Variants in EEFSEC observed in about 807,000 individuals in gnomAD.
EEFSEC encodes selenocysteine-specific elongation factor.
EEFSEC carries 43 observed loss-of-function variants against 42.1 expected under a neutral mutation model. The observed-to-expected ratio is 1.02, with a 90% CI of 0.80 to 1.32. The LOEUF (loss-of-function observed/expected upper bound fraction) is 1.32, where lower values mean the gene tolerates loss of function less well. EEFSEC is among the 40% of genes most tolerant of loss of function. The probability of loss-of-function intolerance (pLI) is 0.00; values close to 1 mark genes in which losing one functional copy is unlikely to be tolerated. For missense variants in EEFSEC, 745 were observed against 803.6 expected (o/e 0.93, Z 0.88); for synonymous variants, 354 against 339.1 (o/e 1.04, Z -0.48).
intron 6 of EEFSEC, among the ~76,000 whole-genome samples, chr3:128,404,487 C>A (rs1292813565): frequency 1.3e-5 from 2 of 152,238 alleles, no homozygotes; most frequent in African/African-American, 2.4e-5. Flanking sequence ...GAGCCCCACG[C>A]CTTCTCAGCC....
chr3:128,382,884 G>A lies in EEFSEC; in HGVS notation c.1600+24511G>A, dbSNP rs369516561. Among the ~76,000 whole-genome samples, 10 of 152,340 alleles carry A rather than the reference G, an allele frequency of 6.6e-5. No individual in the cohort carries two copies. In the South Asian group the frequency reaches 1.0e-3, roughly 16 times the overall value. ...GTTCCCCAACTCCCCTGACCCTGGC[G>A]GGAAATTCAACCCAGCTCATTTGTC... On this transcript the variant is annotated intron_variant, in intron 6 of 6. Coordinates refer to ENST00000254730, the MANE Select transcript of EEFSEC (RefSeq NM_021937.5).
intron 6 of EEFSEC, among the ~76,000 whole-genome samples, chr3:128,386,814 C>T (rs1016569331): frequency 1.1e-4 from 16 of 152,108 alleles, no homozygotes; most frequent in African/African-American, 1.9e-4. Flanking sequence ...ACTCACAGAG[C>T]GAGAACTCAC....
At chr3:128,234,607 A>C (rs1247144662) in intron 1 of EEFSEC, among the ~76,000 whole-genome samples, 3 of 152,232 alleles carry the variant, frequency 2.0e-5, no homozygotes, top group Non-Finnish European at 4.4e-5. Flanking sequence ...CCTCATTAAC[A>C]GAAAATCTTT....
intron 4 of EEFSEC, among the ~76,000 whole-genome samples, chr3:128,318,711 C>T (rs1185316502): frequency 6.6e-6 from 1 of 152,238 alleles, no homozygotes; most frequent in Admixed American, 6.5e-5. Context: ...CTGCCCATGG[C>T]AAGCCATTCT....
At chr3:128,380,661 G>A (rs1029908490) in intron 6 of EEFSEC, among the ~76,000 whole-genome samples, 1 of 152,208 alleles carries the variant, frequency 6.6e-6, no homozygotes, top group Non-Finnish European at 1.5e-5. Context: ...TGTTTTCTTT[G>A]TGGAACTTGC....
At chr3:128,323,941 G>T (rs2067035738) in intron 4 of EEFSEC, among the ~76,000 whole-genome samples, 1 of 152,200 alleles carries the variant, frequency 6.6e-6, no homozygotes, top group South Asian at 2.1e-4. Context: ...CTGTGGCAGG[G>T]GCTCCCTCAG....
intron 4 of EEFSEC, among the ~76,000 whole-genome samples, chr3:128,269,939 G>C (rs2066396874): frequency 6.6e-6 from 1 of 152,214 alleles, no homozygotes; most frequent in Non-Finnish European, 1.5e-5. Flanking sequence ...AACTGTTGAA[G>C]CCACAGACCA....
intron 4 of EEFSEC, among the ~76,000 whole-genome samples, chr3:128,300,689 T>C (rs1559909896): frequency 6.6e-6 from 1 of 152,186 alleles, no homozygotes; most frequent in African/African-American, 2.4e-5. Flanking sequence ...ACTAATTTAG[T>C]AGCTTAAAAC....
intron 6 of EEFSEC, among the ~76,000 whole-genome samples, chr3:128,363,125 G>A (rs1165913456): frequency 6.6e-6 from 1 of 152,216 alleles, no homozygotes; most frequent in Non-Finnish European, 1.5e-5. Context: ...TGGGCTGCCC[G>A]CTGTACAGCT....
chr3:128,227,311 A>ACC (rs199637271), intron 1 of EEFSEC, among the ~76,000 whole-genome samples: 3 of 146,896 alleles, frequency 2.0e-5, no homozygotes, highest in African/African-American at 7.6e-5. Flanking sequence ...TCCTCCCCCT[A>ACC]CCCCCCCACT....
intron 1 of EEFSEC, among the ~76,000 whole-genome samples, chr3:128,158,138 T>G (rs960999412): frequency 1.3e-5 from 2 of 152,176 alleles, no homozygotes; most frequent in African/African-American, 4.8e-5. Flanking sequence ...AGAGTTAGAA[T>G]GAGAAGTGGT....
intron 4 of EEFSEC, among the ~76,000 whole-genome samples, chr3:128,322,118 A>G (rs894290950): frequency 1.3e-5 from 2 of 152,172 alleles, no homozygotes; most frequent in African/African-American, 4.8e-5. Flanking sequence ...CAGTTTCCCC[A>G]TGAATTGAGA....
At chr3:128,154,572 C>G (rs1043723027) in intron 1 of EEFSEC, among the ~76,000 whole-genome samples, 10 of 152,028 alleles carry the variant, frequency 6.6e-5, no homozygotes, top group Admixed American at 6.6e-4. Flanking sequence ...GCCTCAGTCT[C>G]CTGAGTAGCT....
chr3:128,385,517 T>C (rs529457161), intron 6 of EEFSEC, among the ~76,000 whole-genome samples: 1 of 152,288 alleles, frequency 6.6e-6, no homozygotes, highest in African/African-American at 2.4e-5. Context: ...AGATTGTGAG[T>C]GCGGCTGTGG....
chr3:128,341,686 G>T lies in EEFSEC; in HGVS notation c.1240G>T (p.Val414Leu), dbSNP rs2067255916. 2.2e-5 allele frequency: 35 copies of T among 1,613,998 alleles called. No homozygotes were observed. The highest frequency in any genetic ancestry group is 2.7e-5 in the Non-Finnish European group (32 of 1,180,046). Residue 414 changes from valine (V) to leucine (L), a missense_variant, in exon 5 of 7, where the codon GTG (valine) becomes TTG (leucine). Val to Leu is a conservative substitution (Grantham distance 32). Coordinates refer to ENST00000254730, the MANE Select transcript of EEFSEC (RefSeq NM_021937.5). ...GHCPRQQWALVEFEKPVTCPR... is the reference protein window; with the variant it reads ...GHCPRQQWALLEFEKPVTCPR... The stretch of plus-strand genomic sequence containing the variant: ...TTGTCCTCGGCAGCAGTGGGCCCTG[G>T]TGGAGTTTGAGAAGCCCGTCACCTG...
chr3:128,389,273 C>T (rs554318533), intron 6 of EEFSEC, among the ~76,000 whole-genome samples: 3 of 152,348 alleles, frequency 2.0e-5, no homozygotes, highest in East Asian at 1.9e-4. Context: ...CAAGCCAGGC[C>T]GCCCACCACT....
the EEFSEC span, among the ~76,000 whole-genome samples, chr3:128,420,514 C>A: frequency 6.6e-6 from 1 of 152,188 alleles, no homozygotes; most frequent in Admixed American, 6.5e-5. Context: ...CAGACACAGG[C>A]CTCCACGCCT....
chr3:128,338,983 A>G (rs954006287), intron 4 of EEFSEC, among the ~76,000 whole-genome samples: 1 of 152,174 alleles, frequency 6.6e-6, no homozygotes, highest in African/African-American at 2.4e-5. Context: ...CATTTTAGAA[A>G]GCCGCACAGG....
chr3:128,218,741 A>G (rs1436125740), intron 1 of EEFSEC, among the ~76,000 whole-genome samples: 2 of 152,214 alleles, frequency 1.3e-5, no homozygotes, highest in African/African-American at 4.8e-5. Context: ...CAAGTGAATA[A>G]GAACAGAGCC....
Sources: gnomAD v4.1 joint callset for allele counts (sites outside exome capture counted in the v4.1 genomes callset) on GRCh38, gnomAD v4.1.1 for gene constraint, MANE v1.5 for transcripts, NCBI Gene and HGNC (gene_info 2026-07-23, HGNC 2026-07-21) for gene names.